GREB1L: variants seen among roughly 807,000 people sequenced by gnomAD.
GREB1L encodes the protein GREB1 like retinoic acid receptor coactivator.
In GREB1L, 17 loss-of-function variants were observed where a neutral mutation model predicts 200.8. The ratio of observed to expected loss-of-function variants is 0.08; its 90% CI spans 0.06 to 0.13. The LOEUF is 0.13. GREB1L is among the 10% of genes least tolerant of loss of function. The pLI is 1.00. For synonymous variants in GREB1L, 789 were observed against 893.0 expected (o/e 0.88, Z 2.08); for missense variants, 1,657 against 2,367.7 (o/e 0.70, Z 6.23).
chr18:21,433,694 A>G (rs1260715197), intron 7 of GREB1L, among the ~76,000 whole-genome samples: 1 of 152,218 alleles, frequency 6.6e-6, no homozygotes, highest in South Asian at 2.1e-4. Flanking sequence ...CTGTTGAGAA[A>G]CAATGATTAG....
At chr18:21,443,652 G>A (rs1173570145) in intron 10 of GREB1L, among the ~76,000 whole-genome samples, 1 of 152,168 alleles carries the variant, frequency 6.6e-6, no homozygotes, top group African/African-American at 2.4e-5. Flanking sequence ...ATATTAACAT[G>A]TTCCTTCCAT....
chr18:21,453,709 G>T (rs1434377583), intron 14 of GREB1L, among the ~76,000 whole-genome samples: 4 of 152,180 alleles, frequency 2.6e-5, no homozygotes, highest in African/African-American at 9.7e-5. Flanking sequence ...GATAGTCCAG[G>T]CATCAGCACT....
chr18:21,320,358 A>C (rs1457381027), intron 1 of GREB1L, among the ~76,000 whole-genome samples: 1 of 152,196 alleles, frequency 6.6e-6, no homozygotes, highest in African/African-American at 2.4e-5. Context: ...AAAATATTGT[A>C]ATTACTGCTA....
At chr18:21,503,417 G>A (rs1226748755) in intron 23 of GREB1L, among the ~76,000 whole-genome samples, 2 of 151,938 alleles carry the variant, frequency 1.3e-5, no homozygotes, top group South Asian at 2.1e-4. Flanking sequence ...ATCTTGGCCA[G>A]CCTGGTCTCA....
At chr18:21,331,687 T>C (rs2039108783) in intron 1 of GREB1L, among the ~76,000 whole-genome samples, 1 of 152,208 alleles carries the variant, frequency 6.6e-6, no homozygotes, top group African/African-American at 2.4e-5. Flanking sequence ...AGTTTGTATA[T>C]CAGCTTTAAC....
intron 7 of GREB1L, among the ~76,000 whole-genome samples, chr18:21,422,063 A>T (rs148815051): frequency 1.4e-4 from 21 of 152,322 alleles, no homozygotes; most frequent in Non-Finnish European, 2.4e-4. Flanking sequence ...TGCTCAAGGA[A>T]CTTTCCAAGT....
In GREB1L at chr18:21,449,497, C is replaced by T; in HGVS notation, c.1394-13C>T. On this transcript the variant is annotated splice_polypyrimidine_tract_variant and intron_variant, in intron 11 of 32. Transcript: ENST00000424526. The stretch of plus-strand genomic sequence containing the variant: ...GATTCTTTAAATTCCAGCTGTAATT[C>T]TCTTCTATATAGGTCCTGATCAGGT... 3 of 1,446,002 alleles carry T rather than the reference C, an allele frequency of 2.1e-6. No individual in the cohort carries two copies. The highest frequency in any genetic ancestry group is 2.8e-6 in the Non-Finnish European group (3 of 1,077,494). 89.6% of individuals were successfully genotyped at this position (1,446,002 alleles called of 1,614,324 possible). A position where few individuals can be genotyped will look rare whatever the true frequency, so the allele number is the denominator to read the frequency against.
chr18:21,490,199 A>G lies in GREB1L; in HGVS notation c.2878A>G (p.Ile960Val). The change falls in exon 19 of 33, where the codon ATC becomes GTC. Residue 960 changes from isoleucine to valine, a missense_variant. Transcript: ENST00000424526. The stretch of plus-strand genomic sequence containing the variant: ...AAGTGGGAGGGGACACATGCTCATT[A>G]TCAGGGTGCCCTCGGTGCAGCTGGC... ...NKSGRGHMLI[I>V]RVPSVQLAML... 6.4e-7 allele frequency: 1 copy of G among 1,551,796 alleles called. No individual in the cohort carries two copies. The highest frequency in any genetic ancestry group is 1.7e-4 in the Middle Eastern group (1 of 5,990).
intron 1 of GREB1L, among the ~76,000 whole-genome samples, chr18:21,283,038 T>C (rs1325192534): frequency 6.6e-6 from 1 of 152,258 alleles, no homozygotes; most frequent in African/African-American, 2.4e-5. Flanking sequence ...CATACTTTTA[T>C]GCATTTAGCT....
chr18:21,279,782 ACT>A (rs2038237336), intron 1 of GREB1L, among the ~76,000 whole-genome samples: 2 of 152,286 alleles, frequency 1.3e-5, no homozygotes, highest in East Asian at 3.9e-4. Flanking sequence ...AGTAGCTGGG[ACT>A]ACAGGTGCAT....
chr18:21,481,443 G>A (rs991601610), intron 17 of GREB1L, among the ~76,000 whole-genome samples: 30 of 68,648 alleles, frequency 4.4e-4, no homozygotes, highest in African/African-American at 4.2e-3. Context: ...ATATGTATGT[G>A]TGTGTGTGTG....
intron 1 of GREB1L, among the ~76,000 whole-genome samples, chr18:21,316,538 T>C (rs1366234888): frequency 2.0e-5 from 3 of 152,186 alleles, no homozygotes; most frequent in Non-Finnish European, 4.4e-5. Flanking sequence ...AGCACAGAGA[T>C]GGTTATTCCT....
intron 1 of GREB1L, among the ~76,000 whole-genome samples, chr18:21,312,678 C>T (rs1274013266): frequency 2.6e-5 from 4 of 151,962 alleles, no homozygotes; most frequent in African/African-American, 9.7e-5. Context: ...CTCAGCCTCC[C>T]GAGTAGCTGT....
At chr18:21,501,482 T>C (rs931579786) in intron 23 of GREB1L, among the ~76,000 whole-genome samples, 3 of 152,172 alleles carry the variant, frequency 2.0e-5, no homozygotes, top group African/African-American at 7.2e-5. Context: ...GAACATGCTG[T>C]GTTTGGTTTT....
rs2037679442 is a variant in GREB1L, at chr18:21,525,916, G to GGA, written c.*3096_*3097dup. ...AATCTTCTAGGCCAAAGGACCCTCA[G>GGA]GAAGGGCAATAAATATTTGTAAGTG... On this transcript the variant is annotated 3_prime_UTR_variant, in exon 33 of 33. Coordinates refer to ENST00000424526, the MANE Select transcript of GREB1L (RefSeq NM_001142966.3). Among the ~76,000 whole-genome samples, 1 of 152,120 alleles carries GGA rather than the reference G, an allele frequency of 6.6e-6. No individual in the cohort carries two copies.
At chr18:21,369,919 A>T (rs1198656839) in intron 2 of GREB1L, among the ~76,000 whole-genome samples, 1 of 149,912 alleles carries the variant, frequency 6.7e-6, no homozygotes, top group Non-Finnish European at 1.5e-5. Context: ...ACCACACTCC[A>T]GTCTGGGCAG....
chr18:21,252,488 C>T (rs2037725255), intron 1 of GREB1L, among the ~76,000 whole-genome samples: 1 of 141,502 alleles, frequency 7.1e-6, no homozygotes, highest in Admixed American at 7.6e-5. Context: ...ACCAGGGAGG[C>T]GGAGGTTGCG....
intron 2 of GREB1L, among the ~76,000 whole-genome samples, chr18:21,375,580 C>T (rs1174916490): frequency 2.6e-5 from 4 of 152,090 alleles, no homozygotes; most frequent in African/African-American, 9.7e-5. Context: ...TAGTACATTA[C>T]CAAGCATTCA....
chr18:21,444,363 C>T lies in GREB1L; in HGVS notation c.1347C>T (p.Ser449=), dbSNP rs769947250. Residue 449 remains serine (S), a synonymous_variant, in exon 11 of 33, where the codon AGC becomes AGT. Coordinates refer to ENST00000424526, the MANE Select transcript of GREB1L (RefSeq NM_001142966.3). Reference sequence around the variant, plus strand: ...GGTTGACCGGCAGCCAATTTCTGAGCGTGGAAAACATGATTCTTCTGACGA... The same window carrying T: ...GGTTGACCGGCAGCCAATTTCTGAGTGTGGAAAACATGATTCTTCTGACGA... The part of the protein sequence containing the change: ...KLGLTGSQFL[S]VENMILLTIQ... 11 of 1,552,134 alleles carry T rather than the reference C, an allele frequency of 7.1e-6. No individual in the cohort carries two copies. Among genetic ancestry groups the T allele is most frequent in the Admixed American group, 3.9e-5 (2 of 50,982 alleles).
Sources: allele counts gnomAD v4.1 joint callset (sites outside exome capture counted in the v4.1 genomes callset), GRCh38; gene constraint gnomAD v4.1.1; transcripts MANE v1.5; gene names NCBI Gene and HGNC (gene_info 2026-07-23, HGNC 2026-07-21).